Variants in SPECC1L observed in about 807,000 individuals in gnomAD.
SPECC1L encodes the protein sperm antigen with calponin homology and coiled-coil domains 1 like.
In SPECC1L, 40 loss-of-function variants were observed where a neutral mutation model predicts 116.8. The ratio of observed to expected loss-of-function variants is 0.34; its 90% CI spans 0.27 to 0.45. The LOEUF (loss-of-function observed/expected upper bound fraction) is 0.45, where lower values mean the gene tolerates loss of function less well. Ranked by LOEUF, SPECC1L falls within the 20% of genes least tolerant of loss-of-function variation. SPECC1L has a pLI of 1.00. For synonymous variants in SPECC1L, 504 were observed against 500.6 expected, an observed-to-expected ratio of 1.01 and a Z score of -0.09; for missense variants, 1,110 against 1,373.6, an observed-to-expected ratio of 0.81 and a Z score of 3.03.
At chr22:24,340,708 G>A (rs1228123409) in intron 10 of SPECC1L, among the ~76,000 whole-genome samples, 1 of 152,126 alleles carries the variant, frequency 6.6e-6, no homozygotes, top group East Asian at 1.9e-4. Flanking sequence ...TACATGATTA[G>A]TTAGTACAGT....
intron 10 of SPECC1L, among the ~76,000 whole-genome samples, chr22:24,343,201 A>G (rs572652003): frequency 1.1e-4 from 17 of 152,212 alleles, no homozygotes; most frequent in South Asian, 1.0e-3. Context: ...CTTAAAAAAA[A>G]TTCTTTTTTT....
chr22:24,348,854 CA>C (rs930882446), intron 11 of SPECC1L, among the ~76,000 whole-genome samples: 9 of 152,284 alleles, frequency 5.9e-5, no homozygotes, highest in African/African-American at 2.2e-4. Flanking sequence ...CTGAAGTTGT[CA>C]ACGACTGCTG....
intron 2 of SPECC1L, among the ~76,000 whole-genome samples, chr22:24,294,150 A>G (rs1478737605): frequency 1.1e-5 from 1 of 89,372 alleles, no homozygotes; most frequent in Non-Finnish European, 2.2e-5. Flanking sequence ...AGAGTTCTTC[A>G]GTTGAACCTG....
Position 24,415,411 on chromosome 22 carries a change from T to G in SPECC1L, c.*788T>G, listed in dbSNP as rs1439069658. 1.3e-5 allele frequency: 2 copies of G among 152,482 alleles called. No homozygotes were observed. Among genetic ancestry groups the G allele is most frequent in the Non-Finnish European group, 2.9e-5 (2 of 68,096 alleles). 9.4% of individuals were successfully genotyped at this position (152,482 alleles called of 1,614,324 possible). On this transcript the variant is annotated 3_prime_UTR_variant, in exon 17 of 17. Transcript: ENST00000314328. ...CTTTAGATTTCTTCATCATAAGGAG[T>G]TTTTCTAGTTAACATTTTTGTTTTG... is the stretch of plus-strand genomic sequence containing the variant.
At chr22:24,389,462 TG>T (rs1414729009) in intron 14 of SPECC1L, among the ~76,000 whole-genome samples, 2 of 151,860 alleles carry the variant, frequency 1.3e-5, no homozygotes, top group East Asian at 3.9e-4. Flanking sequence ...TGCCCTAAAA[TG>T]GTAATTTGTG....
intron 14 of SPECC1L, among the ~76,000 whole-genome samples, chr22:24,371,786 A>C (rs780597829): frequency 2.6e-5 from 4 of 152,166 alleles, no homozygotes; most frequent in Non-Finnish European, 5.9e-5. Flanking sequence ...CAGTGGTGCG[A>C]CCTTGGTTCA....
chr22:24,409,960 C>T (rs1045993021), intron 14 of SPECC1L, among the ~76,000 whole-genome samples: 3 of 152,154 alleles, frequency 2.0e-5, no homozygotes, highest in African/African-American at 4.8e-5. Flanking sequence ...CCCAGGAGGC[C>T]GTCAAGGCCG....
intron 14 of SPECC1L, among the ~76,000 whole-genome samples, chr22:24,400,165 A>G (rs754384410): frequency 8.5e-5 from 13 of 152,234 alleles, no homozygotes; most frequent in Non-Finnish European, 1.3e-4. Flanking sequence ...ATGTGTATTC[A>G]TCACCACTAC....
chr22:24,403,853 G>A (rs1057204773), intron 14 of SPECC1L, among the ~76,000 whole-genome samples: 3 of 152,104 alleles, frequency 2.0e-5, no homozygotes, highest in Admixed American at 1.3e-4. Flanking sequence ...CGAGGCATAC[G>A]GCCAGAGTCC....
chr22:24,346,212 T>C (rs1485287120), intron 10 of SPECC1L, among the ~76,000 whole-genome samples: 1 of 152,106 alleles, frequency 6.6e-6, no homozygotes, highest in East Asian at 1.9e-4. Context: ...TCCACTATAT[T>C]GGCCAGGCTG....
intron 14 of SPECC1L, among the ~76,000 whole-genome samples, chr22:24,388,915 A>C (rs2042214258): frequency 6.6e-6 from 1 of 152,146 alleles, no homozygotes; most frequent in Non-Finnish European, 1.5e-5. Context: ...GAGTTGTATA[A>C]TCATCATCAC....
In SPECC1L at chr22:24,414,759, C is replaced by A; in HGVS notation, c.*136C>A. On this transcript the variant is annotated 3_prime_UTR_variant, in exon 17 of 17. Coordinates refer to ENST00000314328, the MANE Select transcript of SPECC1L (RefSeq NM_015330.6). ...CCCCACAGCGTGTGAGCCTCCAGCT[C>A]GGGGCTTCCGTATTGGAAGAACTCA... is the stretch of plus-strand genomic sequence containing the variant. The A allele has an allele frequency of 2.7e-6, 2 of 735,306 alleles. No individual in the cohort carries two copies. Among genetic ancestry groups the A allele is most frequent in the African/African-American group, 1.7e-5 (1 of 57,716 alleles). 45.5% of individuals were successfully genotyped at this position (735,306 alleles called of 1,614,324 possible).
intron 14 of SPECC1L, among the ~76,000 whole-genome samples, chr22:24,408,362 G>A (rs1260112109): frequency 6.6e-6 from 1 of 152,244 alleles, no homozygotes; most frequent in African/African-American, 2.4e-5. Context: ...AGAGCAGAGA[G>A]CCGCATGGAG....
chr22:24,315,178 GATTACCT>G (rs2040536791), intron 4 of SPECC1L, among the ~76,000 whole-genome samples: 1 of 152,208 alleles, frequency 6.6e-6, no homozygotes, highest in South Asian at 2.1e-4. Context: ...CCTAGCCCAG[GATTACCT>G]ACTGTCTTCA....
chr22:24,332,072 A>G (rs748673042), intron 8 of SPECC1L, among the ~76,000 whole-genome samples: 1 of 152,138 alleles, frequency 6.6e-6, no homozygotes, highest in Non-Finnish European at 1.5e-5. Context: ...CCATTTTTTT[A>G]CTTGAGAATG....
intron 3 of SPECC1L, 78 bp downstream of exon 3, chr22:24,302,462 G>T (rs2049400343): frequency 6.4e-7 from 1 of 1,563,140 alleles, no homozygotes; most frequent in Non-Finnish European, 8.8e-7. Context: ...TATTAAATGA[G>T]CATTCTTAGG....
chr22:24,412,119 C>G, intron 15 of SPECC1L: 1 of 359,878 alleles, frequency 2.8e-6, no homozygotes, highest in South Asian at 2.3e-5. Flanking sequence ...TTAGAACTGG[C>G]AAGAAACACC....
chr22:24,338,184 G>C (rs2041101178), intron 9 of SPECC1L, among the ~76,000 whole-genome samples: 4 of 152,304 alleles, frequency 2.6e-5, no homozygotes, highest in Middle Eastern at 6.8e-3. Flanking sequence ...CTCTACAGAT[G>C]CAAATAATTC....
chr22:24,332,706 A>ATT (rs74267207), intron 8 of SPECC1L, among the ~76,000 whole-genome samples: 1 of 147,886 alleles, frequency 6.8e-6, no homozygotes, highest in African/African-American at 2.5e-5. Context: ...CTTCTTACTA[A>ATT]TTTTTTTTTT....
Sources: allele counts gnomAD v4.1 joint callset (sites outside exome capture counted in the v4.1 genomes callset), GRCh38; gene constraint gnomAD v4.1.1; transcripts MANE v1.5; gene names NCBI Gene and HGNC (gene_info 2026-07-23, HGNC 2026-07-21).